Variants in SDK1 observed in about 807,000 individuals in gnomAD.
SDK1 encodes protein sidekick-1.
Under a neutral mutation model 245.5 loss-of-function variants are expected in SDK1, and 157 were observed. The observed-to-expected ratio is 0.64, with a 90% confidence interval of 0.56 to 0.73. The LOEUF (loss-of-function observed/expected upper bound fraction) is 0.73, where lower values mean the gene tolerates loss of function less well. SDK1 is among the 30% of genes least tolerant of loss of function. SDK1 has a pLI of 0.00. For synonymous variants in SDK1, 1,647 were observed against 1,278.5 expected, an observed-to-expected ratio of 1.29 and a Z score of -6.15; for missense variants, 3,583 against 3,002.3, an observed-to-expected ratio of 1.19 and a Z score of -4.52.
intron 4 of SDK1, among the ~76,000 whole-genome samples, chr7:3,806,385 C>CCACATTAGGAT (rs1583433154): frequency 1.1e-4 from 11 of 98,970 alleles, no homozygotes; most frequent in Non-Finnish European, 1.5e-4. Flanking sequence ...CACATTAGGA[C>CCACATTAGGAT]GTGGATGTCC....
At chr7:3,641,817 G>A in intron 3 of SDK1, 141 bp from the exon 4 acceptor site, 1 of 702,848 alleles carries the variant, frequency 1.4e-6, no homozygotes, top group East Asian at 2.7e-5. Flanking sequence ...GGTCAGCGCT[G>A]CCGTGCAGTC....
chr7:3,975,824 C>T (rs929098969), intron 13 of SDK1, among the ~76,000 whole-genome samples: 10 of 152,354 alleles, frequency 6.6e-5, no homozygotes, highest in Admixed American at 2.0e-4. Flanking sequence ...AGTTAGGAAG[C>T]GGCAGGAGTC....
chr7:3,653,296 C>T (rs1653618890), intron 4 of SDK1, among the ~76,000 whole-genome samples: 1 of 152,166 alleles, frequency 6.6e-6, no homozygotes, highest in African/African-American at 2.4e-5. Flanking sequence ...ACTCCAGGGT[C>T]CACGTGTAAG....
At chr7:3,893,363 G>A (rs1403569034) in intron 5 of SDK1, among the ~76,000 whole-genome samples, 1 of 151,974 alleles carries the variant, frequency 6.6e-6, no homozygotes, top group East Asian at 1.9e-4. Context: ...ATGCCCCCGC[G>A]GTTGGCTTGC....
At chr7:3,882,080 GAGAGAAACGAGAGCCAA>G (rs1781222175) in intron 5 of SDK1, among the ~76,000 whole-genome samples, 1 of 152,172 alleles carries the variant, frequency 6.6e-6, no homozygotes, top group African/African-American at 2.4e-5. Flanking sequence ...TGGCAGACAA[GAGAGAAACGAGAGCCAA>G]GTGAAAGGGG....
chr7:4,245,491 C>T (rs1241767399), intron 43 of SDK1, among the ~76,000 whole-genome samples, 185 bp from the exon 44 acceptor site: 2 of 152,218 alleles, frequency 1.3e-5, no homozygotes, highest in African/African-American at 2.4e-5. Flanking sequence ...CACAGGTACA[C>T]AGAGGCTGTT....
chr7:3,937,623 A>G (rs958308397), intron 5 of SDK1, among the ~76,000 whole-genome samples: 2 of 152,052 alleles, frequency 1.3e-5, no homozygotes, highest in Admixed American at 6.5e-5. Flanking sequence ...CAGCCTCTCA[A>G]TGTTTTGTGT....
chr7:3,579,703 C>A (rs539038428), intron 1 of SDK1, among the ~76,000 whole-genome samples: 2 of 152,178 alleles, frequency 1.3e-5, no homozygotes, highest in Admixed American at 6.5e-5. Flanking sequence ...GGAACACTTA[C>A]ACCCTGTCAG....
intron 5 of SDK1, among the ~76,000 whole-genome samples, chr7:3,848,740 C>T (rs1251685362): frequency 2.0e-5 from 3 of 151,838 alleles, no homozygotes; most frequent in Non-Finnish European, 4.4e-5. Context: ...GGCGCGATCA[C>T]GGCTCACTGC....
At chr7:3,454,391 T>TGTGTGTGTGTGTGTGC (rs1780611126) in intron 1 of SDK1, among the ~76,000 whole-genome samples, 1 of 138,252 alleles carries the variant, frequency 7.2e-6, no homozygotes, top group Admixed American at 7.1e-5. Context: ...CCAAGATTTG[T>TGTGTGTGTGTGTGTGC]GTGTGTGTGT....
At chr7:4,187,246 C>T (rs900510548) in intron 35 of SDK1, among the ~76,000 whole-genome samples, 21 of 152,128 alleles carry the variant, frequency 1.4e-4, no homozygotes, top group African/African-American at 3.4e-4. Context: ...AGTTAACCCA[C>T]GGCATTATTA....
chr7:3,344,945 C>G (rs895147772), intron 1 of SDK1, among the ~76,000 whole-genome samples: 2 of 152,154 alleles, frequency 1.3e-5, no homozygotes, highest in East Asian at 1.9e-4. Flanking sequence ...ACAAATTGAC[C>G]TACCACACAG....
At chr7:4,012,599 G>GTTTTTTTTTTTTTT (rs1786078112) in intron 16 of SDK1, among the ~76,000 whole-genome samples, 5 of 54,608 alleles carry the variant, frequency 9.2e-5, no homozygotes, top group Non-Finnish European at 1.3e-4. Flanking sequence ...TTTTGATGGA[G>GTTTTTTTTTTTTTT]TTTCTCTCTT....
intron 1 of SDK1, among the ~76,000 whole-genome samples, chr7:3,565,437 C>T (rs1779880723): frequency 2.0e-5 from 3 of 152,166 alleles, no homozygotes; most frequent in African/African-American, 7.2e-5. Context: ...CATTTTATGT[C>T]CTGATCAGTG....
At position 3,746,675 on chromosome 7, in the gene SDK1, T is replaced by C. The variant is rs537868491; in HGVS notation, c.714-74775T>C. ...CTTATCCATAAGAAATACCTCATCA[T>C]TGGTTACAGTTTATTATGAGATTGT... On this transcript the variant is annotated intron_variant, in intron 4 of 44. Coordinates refer to ENST00000404826, the MANE Select transcript of SDK1 (RefSeq NM_152744.4). Among the ~76,000 whole-genome samples the C allele has an allele frequency of 7.2e-5, 11 of 152,338 alleles. No homozygotes were observed. In the South Asian group the frequency reaches 1.0e-3, roughly 14 times the overall value.
At chr7:3,871,407 TGC>T (rs1780953014) in intron 5 of SDK1, among the ~76,000 whole-genome samples, 1 of 150,730 alleles carries the variant, frequency 6.6e-6, no homozygotes, top group African/African-American at 2.5e-5. Flanking sequence ...ATTGCCTTGT[TGC>T]ACTGGTTAGG....
At chr7:4,142,381 T>G (rs1779634301) in intron 28 of SDK1, among the ~76,000 whole-genome samples, 1 of 152,080 alleles carries the variant, frequency 6.6e-6, no homozygotes, top group Admixed American at 6.5e-5. Flanking sequence ...CAGGCTGGAG[T>G]GCAGTGACGT....
At chr7:3,320,409 A>T (rs912936706) in intron 1 of SDK1, among the ~76,000 whole-genome samples, 1 of 152,198 alleles carries the variant, frequency 6.6e-6, no homozygotes, top group African/African-American at 2.4e-5. Context: ...CTATAGTAAC[A>T]TGCTGCTCTG....
rs1388837060 is a variant in SDK1 at position 3,962,682 on chromosome 7, G to C, written c.1260G>C (p.Trp420Cys). 1 of 1,613,184 alleles carries C rather than the reference G, an allele frequency of 6.2e-7. No individual in the cohort carries two copies. The highest frequency in any genetic ancestry group is 8.5e-7 in the Non-Finnish European group (1 of 1,179,616). ...GGGTCCCCCTTCCCACCCTCCAGTGGTACAAGGATGCCATCTCCATCAGCA... is the reference window on the plus strand; with the variant it reads ...GGGTCCCCCTTCCCACCCTCCAGTGCTACAAGGATGCCATCTCCATCAGCA... ...AMGVPLPTLQ[W>C]YKDAISISRL... The change falls in exon 9 of 45, where the codon TGG becomes TGC. Residue 420 changes from tryptophan to cysteine, a missense_variant. Trp to Cys is a radical substitution (Grantham distance 215, BLOSUM62 -2). Transcript: ENST00000404826.
Sources: allele counts gnomAD v4.1 joint callset (sites outside exome capture counted in the v4.1 genomes callset), GRCh38; gene constraint gnomAD v4.1.1; transcripts MANE v1.5; gene names NCBI Gene and HGNC (gene_info 2026-07-23, HGNC 2026-07-21).